CELF5: variants seen among roughly 807,000 people sequenced by gnomAD.
CELF5 encodes CUG-BP and ETR-3 like factor 5.
Under a neutral mutation model 54.9 loss-of-function variants are expected in CELF5, and 6 were observed. The observed-to-expected ratio is 0.11, with a 90% confidence interval of 0.06 to 0.22. CELF5 has a LOEUF of 0.22. Among genes scored for constraint, CELF5 ranks in the 10% least tolerant of loss-of-function variants. The pLI is 1.00. For synonymous variants in CELF5, 271 were observed against 290.9 expected, an observed-to-expected ratio of 0.93 and a Z score of 0.70; for missense variants, 401 against 678.6, an observed-to-expected ratio of 0.59 and a Z score of 4.54.
intron 1 of CELF5, among the ~76,000 whole-genome samples, chr19:3,249,460 G>T (rs947818409): frequency 3.9e-5 from 6 of 152,112 alleles, no homozygotes; most frequent in Non-Finnish European, 7.4e-5. Flanking sequence ...CCCAATCACA[G>T]CCTCACTCTG....
At chr19:3,264,776 G>T (rs1270422759) in intron 2 of CELF5, among the ~76,000 whole-genome samples, 1 of 150,154 alleles carries the variant, frequency 6.7e-6, no homozygotes, top group East Asian at 2.0e-4. Flanking sequence ...GAGTGCAGTA[G>T]CGTGATCTTG....
chr19:3,280,233 G>C (rs1457335107), intron 5 of CELF5, among the ~76,000 whole-genome samples: 2 of 152,124 alleles, frequency 1.3e-5, no homozygotes, highest in Admixed American at 6.5e-5. Context: ...ACTGTCCGCT[G>C]TCCACTGGGT....
At position 3,244,341 on chromosome 19, in the gene CELF5, T is replaced by TG. The variant is rs200916375; in HGVS notation, c.260-6643dup. On this transcript the variant is annotated intron_variant, in intron 1 of 12. Transcript: ENST00000292672. ...AGTGTATATGGTGTGCATGCATTAT[T>TG]GCATTGTGTGTGTAGTGTGTGGTGT... is the stretch of plus-strand genomic sequence containing the variant. Among the ~76,000 whole-genome samples, 1,173 of 151,912 alleles carry TG rather than the reference T, an allele frequency of 7.7e-3. 14 individuals carry two copies. The highest frequency in any genetic ancestry group is 0.027 in the African/African-American group (1,121 of 41,416).
At chr19:3,285,379 T>C (rs996602032) in intron 9 of CELF5, among the ~76,000 whole-genome samples, 11 of 143,668 alleles carry the variant, frequency 7.7e-5, no homozygotes, top group African/African-American at 2.9e-4. Context: ...CACGCCTCTC[T>C]GATAAAGCCC....
At chr19:3,252,333 C>G (rs2079662727) in intron 2 of CELF5, among the ~76,000 whole-genome samples, 1 of 152,170 alleles carries the variant, frequency 6.6e-6, no homozygotes, top group Admixed American at 6.6e-5. Context: ...GCACACCCAG[C>G]CTGATGAGTC....
rs1280813595 is a variant in CELF5, at chr19:3,251,207, A to G, written c.342+140A>G. ...AAAGAGGTATGAGGAGCAGAGGTAT[A>G]GAAATCATCATAATAGTGTGCATTT... On this transcript the variant is annotated intron_variant, in intron 2 of 12. Coordinates refer to ENST00000292672, the MANE Select transcript of CELF5 (RefSeq NM_021938.4). The G allele has an allele frequency of 6.2e-6, 4 of 644,876 alleles. No homozygotes were observed. In the African/African-American group the frequency reaches 7.3e-5, roughly 12 times the overall value. The allele number at this position is 644,876 out of a possible 1,614,324, so 39.9% of individuals were successfully genotyped here.
intron 8 of CELF5, 80 bp from the exon 9 acceptor site, chr19:3,284,822 C>A: frequency 8.0e-7 from 1 of 1,248,864 alleles, no homozygotes; most frequent in Non-Finnish European, 1.2e-6. Flanking sequence ...TTGTTGCTGT[C>A]CTTGCGGCTC....
At chr19:3,273,741 G>T (rs1353059305) in intron 2 of CELF5, 131 bp from the exon 3 acceptor site, 2 of 670,596 alleles carry the variant, frequency 3.0e-6, no homozygotes, top group African/African-American at 3.6e-5. Context: ...TGGGGTGTTA[G>T]TTGGGTGGTG....
chr19:3,241,485 C>T lies in CELF5; in HGVS notation c.260-9500C>T, dbSNP rs577416996. Reference sequence around the variant, plus strand: ...CCAGGTGGGACTTCCCTGTCTACCCCCTCCAGAACCCCAAGGCTCTCCAGG... The same window carrying T: ...CCAGGTGGGACTTCCCTGTCTACCCTCTCCAGAACCCCAAGGCTCTCCAGG... On this transcript the variant is annotated intron_variant, in intron 1 of 12. Transcript: ENST00000292672. Among the ~76,000 whole-genome samples the T allele has an allele frequency of 1.1e-3, 160 of 152,148 alleles. 1 individual carries two copies. Among genetic ancestry groups the T allele is most frequent in the South Asian group, 5.0e-3 (24 of 4,818 alleles).
chr19:3,259,527 C>T (rs757532730), intron 2 of CELF5, among the ~76,000 whole-genome samples: 13 of 151,962 alleles, frequency 8.6e-5, no homozygotes, highest in Admixed American at 6.6e-4. Context: ...AATAAGCTCC[C>T]GATGGGGTAG....
chr19:3,250,228 C>G (rs917358369), intron 1 of CELF5, among the ~76,000 whole-genome samples: 2 of 152,234 alleles, frequency 1.3e-5, no homozygotes, highest in Non-Finnish European at 2.9e-5. Flanking sequence ...GTGGCTCACG[C>G]CTGTAATCCC....
chr19:3,262,181 C>T (rs914618128), intron 2 of CELF5, among the ~76,000 whole-genome samples: 12 of 151,760 alleles, frequency 7.9e-5, no homozygotes, highest in Admixed American at 2.0e-4. Flanking sequence ...ATTACAGGCA[C>T]GCACGCCCAG....
Position 3,288,399 on chromosome 19 carries a change from G to A in CELF5, c.1187-1832G>A, listed in dbSNP as rs1164916761. ...TAGCCGGGCGTGGTGACGCATGCCT[G>A]TAATCCCAGCTACTCAGGAGGCTGA... On this transcript the variant is annotated intron_variant, in intron 10 of 12. Transcript: ENST00000292672. Among the ~76,000 whole-genome samples the A allele has an allele frequency of 3.9e-5, 6 of 152,180 alleles. No individual in the cohort carries two copies. The South Asian group carries it at 8.3e-4, about 21-fold the overall frequency.
chr19:3,229,462 G>A lies in CELF5; in HGVS notation c.259+4464G>A, dbSNP rs547958100. On this transcript the variant is annotated intron_variant, in intron 1 of 12. Coordinates refer to ENST00000292672, the MANE Select transcript of CELF5 (RefSeq NM_021938.4). ...ACACACCAGCAGTGACAGCCCAGAG[G>A]GGGGCCCTGCCCCCGCAGGAGTGGA... Among the ~76,000 whole-genome samples, 337 of 152,342 alleles carry A rather than the reference G, an allele frequency of 2.2e-3. 1 individual carries two copies. Among genetic ancestry groups the A allele is most frequent in the Non-Finnish European group, 3.6e-3 (248 of 68,024 alleles).
intron 1 of CELF5, among the ~76,000 whole-genome samples, chr19:3,233,295 A>G (rs1437820977): frequency 6.6e-6 from 1 of 152,118 alleles, no homozygotes; most frequent in Non-Finnish European, 1.5e-5. Context: ...CTCAAAATTC[A>G]AAAGGCAACA....
chr19:3,261,644 A>G (rs554000632), intron 2 of CELF5, among the ~76,000 whole-genome samples: 23 of 151,422 alleles, frequency 1.5e-4, no homozygotes, highest in Admixed American at 2.6e-4. Flanking sequence ...ACATAGAGAG[A>G]TCCCATCTCT....
chr19:3,264,996 G>A (rs981255570), intron 2 of CELF5, among the ~76,000 whole-genome samples: 21 of 152,136 alleles, frequency 1.4e-4, no homozygotes, highest in African/African-American at 2.4e-4. Context: ...TTACAGGCAC[G>A]AGCCACTGGG....
intron 2 of CELF5, among the ~76,000 whole-genome samples, chr19:3,263,900 G>T (rs1638481415): frequency 6.6e-6 from 1 of 152,160 alleles, no homozygotes; most frequent in South Asian, 2.1e-4. Flanking sequence ...GTGAGACTCA[G>T]TCTCGAAAAT....
intron 1 of CELF5, among the ~76,000 whole-genome samples, chr19:3,236,549 G>A (rs1387446802): frequency 1.3e-5 from 2 of 152,110 alleles, no homozygotes; most frequent in Non-Finnish European, 2.9e-5. Context: ...GAGATGGGAG[G>A]GGGGTTCCTG....
Sources: gnomAD v4.1 joint callset for allele counts (sites outside exome capture counted in the v4.1 genomes callset) on GRCh38, gnomAD v4.1.1 for gene constraint, MANE v1.5 for transcripts, NCBI Gene and HGNC (gene_info 2026-07-23, HGNC 2026-07-21) for gene names.